RBFOX1: variants seen among roughly 807,000 people sequenced by gnomAD.
RBFOX1 encodes the protein RNA binding fox-1 homolog 1.
RBFOX1 carries 8 observed loss-of-function variants against 57.7 expected under a neutral mutation model. The observed-to-expected ratio is 0.14, with a 90% CI of 0.08 to 0.25. The LOEUF (loss-of-function observed/expected upper bound fraction) is 0.25, where lower values mean the gene tolerates loss of function less well. RBFOX1 is among the 10% of genes least tolerant of loss of function. The probability of loss-of-function intolerance (pLI) is 1.00; values close to 1 mark genes in which losing one functional copy is unlikely to be tolerated. For synonymous variants in RBFOX1, 326 were observed against 222.4 expected (o/e 1.47, Z -4.15); for missense variants, 611 against 548.5 (o/e 1.11, Z -1.14).
chr16:6,715,356 G>T (rs145128075), intron 3 of RBFOX1, among the ~76,000 whole-genome samples: 1 of 152,134 alleles, frequency 6.6e-6, no homozygotes, highest in Non-Finnish European at 1.5e-5. Context: ...GGGACAGATG[G>T]GGTGAGTGAT....
chr16:6,746,402 C>T (rs1359913116), intron 3 of RBFOX1, among the ~76,000 whole-genome samples: 1 of 152,122 alleles, frequency 6.6e-6, no homozygotes, highest in South Asian at 2.1e-4. Context: ...GTGCGCTGGG[C>T]ATGGTGGCTC....
chr16:7,579,591 G>A (rs1056500302), intron 5 of RBFOX1, among the ~76,000 whole-genome samples, 186 bp from the exon 6 acceptor site: 1 of 152,132 alleles, frequency 6.6e-6, no homozygotes, highest in African/African-American at 2.4e-5. Flanking sequence ...GATTCATAAT[G>A]AGCACCCAGT....
intron 1 of RBFOX1, among the ~76,000 whole-genome samples, chr16:5,451,237 C>G (rs1201479851): frequency 1.3e-5 from 2 of 152,164 alleles, no homozygotes; most frequent in African/African-American, 4.8e-5. Flanking sequence ...ATTCCACCCC[C>G]ACTTCACTCT....
chr16:5,444,366 G>T (rs561289079), intron 1 of RBFOX1, among the ~76,000 whole-genome samples: 2 of 152,298 alleles, frequency 1.3e-5, no homozygotes, highest in East Asian at 3.9e-4. Flanking sequence ...CAGTTCCTTT[G>T]GCTGAATTTC....
intron 1 of RBFOX1, among the ~76,000 whole-genome samples, chr16:6,298,580 A>T (rs1333983100): frequency 6.6e-6 from 1 of 152,190 alleles, no homozygotes; most frequent in Non-Finnish European, 1.5e-5. Context: ...GCCTTTAGCT[A>T]AGCAGATCCT....
intron 1 of RBFOX1, among the ~76,000 whole-genome samples, chr16:6,297,247 C>T (rs2078227739): frequency 6.6e-6 from 1 of 152,160 alleles, no homozygotes; most frequent in Non-Finnish European, 1.5e-5. Flanking sequence ...CCTCCTATCT[C>T]ATCCTCTGAC....
chr16:5,563,282 C>T (rs2045950736), intron 2 of RBFOX1, among the ~76,000 whole-genome samples: 2 of 152,176 alleles, frequency 1.3e-5, no homozygotes, highest in Non-Finnish European at 2.9e-5. Flanking sequence ...CATCTCCTGA[C>T]CCATGTTCAT....
chr16:6,508,732 A>G (rs2096178376), intron 2 of RBFOX1, among the ~76,000 whole-genome samples: 1 of 152,114 alleles, frequency 6.6e-6, no homozygotes, highest in African/African-American at 2.4e-5. Flanking sequence ...CTACGCCTAA[A>G]TTCACAGGAT....
chr16:7,551,519 T>C (rs931785129), intron 5 of RBFOX1, among the ~76,000 whole-genome samples: 5 of 152,212 alleles, frequency 3.3e-5, no homozygotes, highest in Admixed American at 6.5e-5. Context: ...AGCTCTGTGC[T>C]ACTGAGCTGA....
At position 7,359,983 on chromosome 16, in the gene RBFOX1, C is replaced by CAA. The variant is rs201081840; in HGVS notation, c.28-158156_28-158155dup. On this transcript the variant is annotated intron_variant, in intron 4 of 15. Transcript: ENST00000550418. ...TGGGTGACAGAGCGAGACTCTGTCT[C>CAA]AAAAAAAAACAAAAAACAAACAAAC... Among the ~76,000 whole-genome samples, 279 of 142,024 alleles carry CAA rather than the reference C, an allele frequency of 2.0e-3. 2 individuals carry two copies. Among genetic ancestry groups the CAA allele is most frequent in the African/African-American group, 6.2e-3 (245 of 39,724 alleles). 93.2% of individuals were successfully genotyped at this position (142,024 alleles called of 152,430 possible).
intron 2 of RBFOX1, among the ~76,000 whole-genome samples, chr16:6,562,862 TTCTTTCTTTCTTTCTTTC>T (rs1286278950): frequency 0.02 from 1,238 of 62,584 alleles, 193 homozygotes; most frequent in African/African-American, 0.096. Flanking sequence ...CTTTCTTTCT[TTCTTTCTTTCTTTCTTTC>T]TTTTTTTTTT....
At chr16:6,670,344 A>G (rs192335390) in intron 3 of RBFOX1, among the ~76,000 whole-genome samples, 1 of 152,240 alleles carries the variant, frequency 6.6e-6, no homozygotes, top group Admixed American at 6.5e-5. Flanking sequence ...TGCTGGGATT[A>G]CAGGGGTGAG....
intron 4 of RBFOX1, among the ~76,000 whole-genome samples, chr16:7,109,517 G>C (rs543123719): frequency 2.0e-5 from 3 of 152,212 alleles, no homozygotes; most frequent in African/African-American, 7.2e-5. Flanking sequence ...GTGAGTGACA[G>C]AGTGACTCAC....
chr16:5,637,435 C>A (rs1052455304), intron 3 of RBFOX1, among the ~76,000 whole-genome samples: 1 of 152,148 alleles, frequency 6.6e-6, no homozygotes, highest in East Asian at 1.9e-4. Context: ...ATTGATGTCT[C>A]TGAACTTCAG....
chr16:6,979,847 C>G (rs2088191075), intron 3 of RBFOX1, among the ~76,000 whole-genome samples: 1 of 152,042 alleles, frequency 6.6e-6, no homozygotes, highest in African/African-American at 2.4e-5. Context: ...GTGTTGGGCT[C>G]TGTGATGTGT....
intron 3 of RBFOX1, among the ~76,000 whole-genome samples, chr16:6,898,264 C>A (rs1248738923): frequency 6.6e-6 from 1 of 152,148 alleles, no homozygotes; most frequent in Non-Finnish European, 1.5e-5. Flanking sequence ...TGATCACCTG[C>A]CATCCTCAAG....
chr16:5,721,217 A>G (rs1567446681), intron 3 of RBFOX1, among the ~76,000 whole-genome samples: 1 of 152,202 alleles, frequency 6.6e-6, no homozygotes, highest in Non-Finnish European at 1.5e-5. Flanking sequence ...TGATACTATT[A>G]TAAAGGAAAT....
At chr16:7,417,136 G>A (rs372165614) in intron 4 of RBFOX1, among the ~76,000 whole-genome samples, 1 of 152,154 alleles carries the variant, frequency 6.6e-6, no homozygotes, top group African/African-American at 2.4e-5. Context: ...TTGGGAGGCG[G>A]AGGCGGGTGG....
At chr16:7,372,821 A>G (rs1359297616) in intron 4 of RBFOX1, among the ~76,000 whole-genome samples, 1 of 151,928 alleles carries the variant, frequency 6.6e-6, no homozygotes, top group Admixed American at 6.6e-5. Context: ...AGCAGGAGAC[A>G]GAGAGAGAGA....
Sources: allele counts gnomAD v4.1 joint callset (sites outside exome capture counted in the v4.1 genomes callset), GRCh38; gene constraint gnomAD v4.1.1; transcripts MANE v1.5; gene names NCBI Gene and HGNC (gene_info 2026-07-23, HGNC 2026-07-21).